SNTB1: variants seen among roughly 807,000 people sequenced by gnomAD.
SNTB1 encodes beta-1-syntrophin.
In SNTB1, 36 loss-of-function variants were observed where a neutral mutation model predicts 48.9. That is an observed-to-expected ratio of 0.74 (90% CI 0.56 to 0.97). SNTB1 has a LOEUF of 0.97. Among genes scored for constraint, SNTB1 ranks in the 50% least tolerant of loss-of-function variants. The probability of loss-of-function intolerance (pLI) is 0.00; values close to 1 mark genes in which losing one functional copy is unlikely to be tolerated. For synonymous variants in SNTB1, 299 were observed against 294.6 expected (o/e 1.01, Z -0.15); for missense variants, 786 against 703.4 (o/e 1.12, Z -1.33).
intron 4 of SNTB1, among the ~76,000 whole-genome samples, chr8:120,567,540 C>G (rs539089835): frequency 7.5e-4 from 114 of 151,890 alleles, no homozygotes; most frequent in Non-Finnish European, 5.4e-4. Context: ...CCCACTTCAG[C>G]CTCTTAAGTC....
rs952736619 is a variant in SNTB1, at chr8:120,542,007, G to A, written c.1334-7C>T. 1.2e-6 allele frequency: 2 copies of A among 1,609,832 alleles called. No homozygotes were observed. Among genetic ancestry groups the A allele is most frequent in the African/African-American group, 2.7e-5 (2 of 74,668 alleles). On this transcript the variant is annotated splice_region_variant and splice_polypyrimidine_tract_variant and intron_variant, in intron 5 of 6. Transcript: ENST00000517992. The stretch of plus-strand genomic sequence containing the variant: ...TGGTTTTTGTAGGTGCAAGCTGAGA[G>A]AGAAAGAGAGAGAAAAAGAGACAAG...
intron 1 of SNTB1, among the ~76,000 whole-genome samples, chr8:120,702,650 G>A (rs1818325893): frequency 1.3e-5 from 2 of 151,668 alleles, no homozygotes; most frequent in South Asian, 2.1e-4. Flanking sequence ...CTTATTCCAC[G>A]CCAGGCACTG....
intron 3 of SNTB1, among the ~76,000 whole-genome samples, chr8:120,621,787 T>A (rs1451942222): frequency 2.0e-5 from 3 of 151,868 alleles, no homozygotes; most frequent in African/African-American, 7.3e-5. Flanking sequence ...CACCCCCAGG[T>A]TTCACTCTTT....
At chr8:120,651,188 T>C (rs1348311735) in intron 2 of SNTB1, among the ~76,000 whole-genome samples, 18 of 152,172 alleles carry the variant, frequency 1.2e-4, no homozygotes, top group Admixed American at 6.5e-4. Flanking sequence ...GCAGGTGGGC[T>C]ATAGTCCAAC....
chr8:120,810,052 C>T (rs1820399729), intron 1 of SNTB1, among the ~76,000 whole-genome samples: 1 of 152,130 alleles, frequency 6.6e-6, no homozygotes, highest in Non-Finnish European at 1.5e-5. Context: ...AAATCAATCA[C>T]CATATTACAA....
chr8:120,744,012 C>T (rs1447082575), intron 1 of SNTB1, among the ~76,000 whole-genome samples: 2 of 152,058 alleles, frequency 1.3e-5, no homozygotes, highest in African/African-American at 4.8e-5. Flanking sequence ...TGCCTGTGGT[C>T]CCAGTTACTT....
At chr8:120,791,157 A>G (rs1820024804) in intron 1 of SNTB1, among the ~76,000 whole-genome samples, 1 of 151,858 alleles carries the variant, frequency 6.6e-6, no homozygotes, top group Non-Finnish European at 1.5e-5. Context: ...ATAAAGTCAA[A>G]TACAACCAAC....
chr8:120,561,319 CAAAAAAAAAAAAAAAAAAAAAG>C (rs953966251), intron 4 of SNTB1, among the ~76,000 whole-genome samples: 1 of 45,670 alleles, frequency 2.2e-5, no homozygotes, highest in Non-Finnish European at 4.1e-5. Context: ...AACTCCATCT[CAAAAAAAAAAAAAAAAAAAAAG>C]AAAAAAAGAA....
At chr8:120,749,036 C>T (rs1344416326) in intron 1 of SNTB1, among the ~76,000 whole-genome samples, 4 of 152,116 alleles carry the variant, frequency 2.6e-5, no homozygotes, top group Non-Finnish European at 4.4e-5. Flanking sequence ...ACAAGTGAAT[C>T]AGTAATCATA....
chr8:120,595,737 C>T (rs993975987), intron 3 of SNTB1, among the ~76,000 whole-genome samples: 9 of 152,124 alleles, frequency 5.9e-5, no homozygotes, highest in Admixed American at 6.5e-5. Flanking sequence ...GCATGCACTA[C>T]CACGCCCGGC....
intron 3 of SNTB1, among the ~76,000 whole-genome samples, chr8:120,618,536 T>C (rs867526660): frequency 1.3e-5 from 2 of 152,202 alleles, no homozygotes; most frequent in Admixed American, 6.5e-5. Flanking sequence ...ATGTGCTCAA[T>C]AGTTACTTAC....
intron 2 of SNTB1, among the ~76,000 whole-genome samples, chr8:120,638,511 T>G (rs1226873869): frequency 2.6e-5 from 4 of 152,236 alleles, no homozygotes; most frequent in Admixed American, 1.3e-4. Flanking sequence ...ACCCATTAAC[T>G]CATCATTTAC....
chr8:120,595,021 C>T (rs544169596), intron 3 of SNTB1, among the ~76,000 whole-genome samples: 8 of 151,994 alleles, frequency 5.3e-5, no homozygotes, highest in African/African-American at 1.9e-4. Context: ...AGGCAAGAGT[C>T]AAGCAGAAGG....
chr8:120,554,294 C>T (rs1375910912), intron 4 of SNTB1, among the ~76,000 whole-genome samples: 1 of 152,116 alleles, frequency 6.6e-6, no homozygotes, highest in Admixed American at 6.5e-5. Flanking sequence ...CCGCTTTGTG[C>T]CCTGAGCTGC....
chr8:120,678,380 C>A (rs749362843), intron 2 of SNTB1, among the ~76,000 whole-genome samples: 5 of 152,138 alleles, frequency 3.3e-5, no homozygotes, highest in Non-Finnish European at 5.9e-5. Flanking sequence ...TCCCTGTAGA[C>A]CTTGGCCACT....
intron 2 of SNTB1, among the ~76,000 whole-genome samples, chr8:120,650,469 T>A (rs1395249869): frequency 6.6e-6 from 1 of 152,102 alleles, no homozygotes; most frequent in African/African-American, 2.4e-5. Context: ...TCCCCCTTTT[T>A]TTCCCTCACC....
intron 3 of SNTB1, among the ~76,000 whole-genome samples, chr8:120,577,925 A>C (rs892182958): frequency 1.3e-5 from 2 of 152,346 alleles, no homozygotes; most frequent in Admixed American, 1.3e-4. Context: ...CTATTCCTGT[A>C]TGCAGAGCTG....
intron 3 of SNTB1, among the ~76,000 whole-genome samples, chr8:120,616,482 T>C (rs77627570): frequency 9.7e-6 from 1 of 103,406 alleles, no homozygotes; most frequent in Admixed American, 1.2e-4. Flanking sequence ...AAAAAGTTTT[T>C]TTTTTTTTTT....
chr8:120,619,835 C>G (rs151155387), intron 3 of SNTB1, among the ~76,000 whole-genome samples: 1 of 152,166 alleles, frequency 6.6e-6, no homozygotes, highest in Admixed American at 6.5e-5. Context: ...CAGCATGGCT[C>G]TGCTGTCCTA....
Sources: allele counts gnomAD v4.1 joint callset (sites outside exome capture counted in the v4.1 genomes callset), GRCh38; gene constraint gnomAD v4.1.1; transcripts MANE v1.5; gene names NCBI Gene and HGNC (gene_info 2026-07-23, HGNC 2026-07-21).